CSMD1: variants seen among roughly 807,000 people sequenced by gnomAD.
The protein encoded by CSMD1 is CUB and sushi domain-containing protein 1.
Under a neutral mutation model 417.5 loss-of-function variants are expected in CSMD1, and 213 were observed. That is an observed-to-expected ratio of 0.51 (90% CI 0.46 to 0.57). The LOEUF (loss-of-function observed/expected upper bound fraction) is 0.57, where lower values mean the gene tolerates loss of function less well. Ranked by LOEUF, CSMD1 falls within the 20% of genes least tolerant of loss-of-function variation. The pLI, the probability that CSMD1 is intolerant of heterozygous loss-of-function variation, is 0.00. For synonymous variants in CSMD1, 2,862 were observed against 1,736.8 expected (o/e 1.65, Z -16.11); for missense variants, 6,923 against 4,529.7 (o/e 1.53, Z -15.17).
intron 1 of CSMD1, among the ~76,000 whole-genome samples, chr8:4,798,901 A>G (rs1242201705): frequency 6.6e-6 from 1 of 152,198 alleles, no homozygotes; most frequent in Non-Finnish European, 1.5e-5. Context: ...ACCTCAGACC[A>G]AAGTAAAAAT....
chr8:4,819,128 G>T (rs1388706415), intron 1 of CSMD1, among the ~76,000 whole-genome samples: 2 of 152,152 alleles, frequency 1.3e-5, no homozygotes, highest in African/African-American at 4.8e-5. Context: ...ACAGCAGCAG[G>T]CAGCTCATGC....
At chr8:4,719,416 T>C (rs1294460145) in intron 1 of CSMD1, among the ~76,000 whole-genome samples, 1 of 152,176 alleles carries the variant, frequency 6.6e-6, no homozygotes, top group Non-Finnish European at 1.5e-5. Context: ...CTCTGTTGCA[T>C]TAAAAGCATC....
intron 23 of CSMD1, among the ~76,000 whole-genome samples, chr8:3,315,137 T>A (rs776836129): frequency 4.6e-5 from 7 of 152,196 alleles, no homozygotes; most frequent in Non-Finnish European, 1.0e-4. Flanking sequence ...TTGGCAAAAA[T>A]CTCTTTAAGA....
At chr8:3,955,419 C>T (rs959947342) in intron 5 of CSMD1, among the ~76,000 whole-genome samples, 14 of 152,176 alleles carry the variant, frequency 9.2e-5, no homozygotes, top group African/African-American at 3.1e-4. Flanking sequence ...ATTTAAGACA[C>T]AGGTCAACAA....
intron 3 of CSMD1, among the ~76,000 whole-genome samples, chr8:4,117,827 C>T (rs149169926): frequency 2.7e-4 from 41 of 151,890 alleles, no homozygotes; most frequent in African/African-American, 9.7e-4. Context: ...CTAGTTAGAA[C>T]ATCTCACTTT....
chr8:4,802,229 C>A (rs1469848911), intron 1 of CSMD1, among the ~76,000 whole-genome samples: 1 of 152,158 alleles, frequency 6.6e-6, no homozygotes, highest in East Asian at 1.9e-4. Flanking sequence ...TTGGCTTAAA[C>A]TAGTAGTGTT....
At chr8:3,276,397 C>G (rs1351523494) in intron 26 of CSMD1, among the ~76,000 whole-genome samples, 2 of 152,160 alleles carry the variant, frequency 1.3e-5, no homozygotes, top group Admixed American at 6.6e-5. Context: ...CGGAGCTGTT[C>G]CTATTCGTTC....
intron 1 of CSMD1, among the ~76,000 whole-genome samples, chr8:4,899,536 T>A (rs1021746818): frequency 6.6e-6 from 1 of 152,188 alleles, no homozygotes; most frequent in African/African-American, 2.4e-5. Flanking sequence ...CAAATGAGCG[T>A]ATCTATATCA....
At chr8:4,942,240 T>A (rs1010566953) in intron 1 of CSMD1, among the ~76,000 whole-genome samples, 1 of 152,140 alleles carries the variant, frequency 6.6e-6, no homozygotes, top group South Asian at 2.1e-4. Flanking sequence ...TCTTATTTTT[T>A]CCCTGTTCTG....
intron 3 of CSMD1, among the ~76,000 whole-genome samples, chr8:4,249,594 G>A (rs1011295543): frequency 6.6e-6 from 1 of 152,166 alleles, no homozygotes; most frequent in African/African-American, 2.4e-5. Context: ...TGTGTATTGA[G>A]AGAATGGTGT....
chr8:3,415,861 C>T (rs1469817519), intron 12 of CSMD1, among the ~76,000 whole-genome samples: 3 of 152,108 alleles, frequency 2.0e-5, no homozygotes, highest in East Asian at 1.9e-4. Flanking sequence ...TGTTTAGAAA[C>T]ATATCCCCAA....
At chr8:4,976,199 C>G (rs1810551889) in intron 1 of CSMD1, among the ~76,000 whole-genome samples, 1 of 152,114 alleles carries the variant, frequency 6.6e-6, no homozygotes, top group East Asian at 1.9e-4. Context: ...CTATTGGACC[C>G]TAACTCACTG....
chr8:3,195,928 C>T (rs1167601287), intron 33 of CSMD1, among the ~76,000 whole-genome samples: 2 of 152,092 alleles, frequency 1.3e-5, no homozygotes, highest in East Asian at 3.9e-4. Context: ...AGAGTGACTC[C>T]ATCTTCAATA....
At chr8:3,360,505 G>T (rs1011701577) in intron 20 of CSMD1, among the ~76,000 whole-genome samples, 2 of 152,182 alleles carry the variant, frequency 1.3e-5, no homozygotes, top group African/African-American at 4.8e-5. Context: ...TGTTTCCCCA[G>T]TCTGTAATGC....
At chr8:4,917,081 A>G (rs917550025) in intron 1 of CSMD1, among the ~76,000 whole-genome samples, 6 of 152,188 alleles carry the variant, frequency 3.9e-5, no homozygotes, top group Middle Eastern at 3.2e-3. Flanking sequence ...GACTATCTAT[A>G]GGAAGCACGG....
chr8:4,720,470 T>G (rs957392403), intron 1 of CSMD1, among the ~76,000 whole-genome samples: 1 of 152,122 alleles, frequency 6.6e-6, no homozygotes, highest in African/African-American at 2.4e-5. Context: ...CATGCTGGAG[T>G]GCAGAGGCAT....
chr8:3,764,827 A>C (rs1798186495), intron 5 of CSMD1, among the ~76,000 whole-genome samples: 1 of 149,532 alleles, frequency 6.7e-6, no homozygotes, highest in East Asian at 2.0e-4. Flanking sequence ...GCTCAGTGAA[A>C]CCTCTGCTGC....
At chr8:4,970,370 T>C (rs1810163073) in intron 1 of CSMD1, among the ~76,000 whole-genome samples, 1 of 152,134 alleles carries the variant, frequency 6.6e-6, no homozygotes, top group South Asian at 2.1e-4. Flanking sequence ...AAAAATGGTA[T>C]CAGCTTTTAT....
Position 3,616,609 on chromosome 8 carries a change from C to G in CSMD1, c.1097+101G>C, listed in dbSNP as rs901335708. 6.7e-6 allele frequency: 5 copies of G among 747,996 alleles called. No homozygotes were observed. The African/African-American group carries it at 8.8e-5, about 13-fold the overall frequency. The allele number at this position is 747,996 out of a possible 1,614,324, so 46.3% of individuals were successfully genotyped here. ...AGAGTTAATGATTAAGAAGTTTTAT[C>G]TTTACCTCAAAAGAACAAAAGAGTT... On this transcript the variant is annotated intron_variant, in intron 8 of 69. Transcript: ENST00000635120.
Sources: gnomAD v4.1 joint callset for allele counts (sites outside exome capture counted in the v4.1 genomes callset) on GRCh38, gnomAD v4.1.1 for gene constraint, MANE v1.5 for transcripts, NCBI Gene and HGNC (gene_info 2026-07-23, HGNC 2026-07-21) for gene names.